EIF2AK4: variants seen among roughly 807,000 people sequenced by gnomAD.
The protein encoded by EIF2AK4 is eukaryotic translation initiation factor 2 alpha kinase 4.
In EIF2AK4, 139 loss-of-function variants were observed where a neutral mutation model predicts 211.1. The observed-to-expected ratio is 0.66, with a 90% CI of 0.57 to 0.76. The LOEUF is 0.76. Ranked by LOEUF, EIF2AK4 falls within the 30% of genes least tolerant of loss-of-function variation. The pLI is 0.00. For missense variants in EIF2AK4, 1,664 were observed against 2,043.8 expected (o/e 0.81, Z 3.58); for synonymous variants, 710 against 751.3 (o/e 0.94, Z 0.90).
At chr15:39,964,102 C>T (rs2034510275) in intron 7 of EIF2AK4, among the ~76,000 whole-genome samples, 1 of 152,170 alleles carries the variant, frequency 6.6e-6, no homozygotes, top group Non-Finnish European at 1.5e-5. Flanking sequence ...TTATGACTAA[C>T]AGATCATTTT....
intron 19 of EIF2AK4, among the ~76,000 whole-genome samples, chr15:39,997,483 A>G (rs1037698281): frequency 2.6e-5 from 4 of 152,128 alleles, no homozygotes; most frequent in Non-Finnish European, 5.9e-5. Flanking sequence ...TTATTCTGAG[A>G]TTTACTCTTG....
At chr15:39,946,514 C>A in intron 3 of EIF2AK4, 1 of 700,522 alleles carries the variant, frequency 1.4e-6, no homozygotes, top group South Asian at 1.5e-5. Flanking sequence ...TTGAGTGGTT[C>A]CTGAAGATGC....
intron 34 of EIF2AK4, 54 bp downstream of exon 34, chr15:40,029,518 G>C: frequency 6.4e-7 from 1 of 1,563,972 alleles, no homozygotes; most frequent in Non-Finnish European, 8.7e-7. Flanking sequence ...TTTGCTCTAA[G>C]CACTTATTAC....
At chr15:39,947,239 T>C (rs2034241546) in intron 3 of EIF2AK4, among the ~76,000 whole-genome samples, 1 of 152,214 alleles carries the variant, frequency 6.6e-6, no homozygotes, top group Non-Finnish European at 1.5e-5. Context: ...AATTTTTTTA[T>C]TTTCAAGTAA....
At chr15:39,963,399 T>A (rs557251875) in intron 7 of EIF2AK4, among the ~76,000 whole-genome samples, 1 of 152,346 alleles carries the variant, frequency 6.6e-6, no homozygotes, top group South Asian at 2.1e-4. Context: ...AGATTCACCA[T>A]AGTTAATACC....
At chr15:39,997,206 C>G in intron 19 of EIF2AK4, 141 bp downstream of exon 19, 2 of 668,742 alleles carry the variant, frequency 3.0e-6, no homozygotes, top group Non-Finnish European at 5.3e-6. Context: ...CTCATTTATT[C>G]AGATATGCAA....
chr15:40,010,917 C>T (rs1278209082), intron 26 of EIF2AK4, among the ~76,000 whole-genome samples: 3 of 152,304 alleles, frequency 2.0e-5, no homozygotes, highest in South Asian at 2.1e-4. Flanking sequence ...CATCTGCCAG[C>T]GTGGGATGAA....
intron 22 of EIF2AK4, 139 bp from the exon 23 acceptor site, chr15:40,003,054 T>G: frequency 7.7e-7 from 1 of 1,300,066 alleles, no homozygotes; most frequent in Non-Finnish European, 1.0e-6. Flanking sequence ...TTTATAAATT[T>G]AGAGAACTCA....
chr15:39,974,779 A>G (rs1389051682), intron 11 of EIF2AK4: 3 of 152,180 alleles, frequency 2.0e-5, no homozygotes, highest in Non-Finnish European at 2.9e-5. Context: ...TTAAGCCCCC[A>G]CGGTTTCCAG....
At chr15:40,032,733 A>T in intron 36 of EIF2AK4, 24 bp from the exon 37 acceptor site, 1 of 1,610,250 alleles carries the variant, frequency 6.2e-7, no homozygotes, top group Non-Finnish European at 8.5e-7. Context: ...CTGAGAGTTG[A>T]TGTACATTTG....
Position 40,022,555 on chromosome 15 carries a change from G to A in EIF2AK4, c.4339G>A (p.Glu1447Lys), listed in dbSNP as rs745396838. Residue 1447 changes from glutamate to lysine, a missense_variant, in exon 32 of 39, where the codon GAA (glutamate) becomes AAA (lysine). This residue lies in a region of EIF2AK4 where 622 missense variants were observed against 796.8 expected (regional missense o/e 0.78). Coordinates refer to ENST00000263791, the MANE Select transcript of EIF2AK4 (RefSeq NM_001013703.4). The part of the protein sequence containing the change: ...EELQEYCRHH[E>K]ITYVALVSDK... Reference sequence around the variant, plus strand: ...ATTACAAGAGTACTGCAGACATCATGAAATCACCTATGTGGCCCTTGTCTC... The same window carrying A: ...ATTACAAGAGTACTGCAGACATCATAAAATCACCTATGTGGCCCTTGTCTC... The A allele has an allele frequency of 6.2e-7, 1 of 1,614,092 alleles. No individual in the cohort carries two copies. The highest frequency in any genetic ancestry group is 2.2e-5 in the East Asian group (1 of 44,892).
Position 39,973,744 on chromosome 15 carries a change from A to G in EIF2AK4, c.1813A>G (p.Ile605Val), listed in dbSNP as rs2034655811. The change falls in exon 11 of 39, where the codon ATC becomes GTC. Residue 605 changes from isoleucine (I) to valine (V), a missense_variant. Coordinates refer to ENST00000263791, the MANE Select transcript of EIF2AK4 (RefSeq NM_001013703.4). ...TGGTAAAGGAGCTTTTGGAGCTGTCATCAAGGTGTGGTACAGAGTCATTCC... is the reference window on the plus strand; with the variant it reads ...TGGTAAAGGAGCTTTTGGAGCTGTCGTCAAGGTGTGGTACAGAGTCATTCC... The part of the protein sequence containing the change: ...LLGKGAFGAV[I>V]KVQNKLDGCC... 10 of 1,613,994 alleles carry G rather than the reference A, an allele frequency of 6.2e-6. No homozygotes were observed. In the East Asian group the frequency reaches 2.2e-4, roughly 36 times the overall value.
chr15:39,993,212 C>G (rs1246163445), intron 18 of EIF2AK4, among the ~76,000 whole-genome samples: 1 of 152,028 alleles, frequency 6.6e-6, no homozygotes. Flanking sequence ...GTCCATCCAT[C>G]CATCCATCCA....
At chr15:40,021,446 T>C (rs1247343366) in intron 31 of EIF2AK4, 1 of 154,348 alleles carries the variant, frequency 6.5e-6, no homozygotes, top group Non-Finnish European at 1.4e-5. Context: ...CTCTAACTCT[T>C]GTCTGTCCAG....
rs192337360 is a variant in EIF2AK4, at chr15:39,973,637, G to A, written c.1706G>A (p.Arg569Gln). The A allele has an allele frequency of 5.1e-5, 83 of 1,613,992 alleles. 3 individuals carry two copies. The African/African-American group carries it at 9.3e-4, about 18-fold the overall frequency. ...GTTGAGACTGTTATTCCTAGCAACC[G>A]GCTACCCAGTGCTGCCTTCTTTAGT... Reference protein sequence around the residue: ...DYVETVIPSNRLPSAAFFSET... With the variant: ...DYVETVIPSNQLPSAAFFSET... The change falls in exon 11 of 39, where the codon CGG (arginine) becomes CAG (glutamine). Residue 569 changes from arginine (R) to glutamine (Q), a missense_variant. This residue lies in a region of EIF2AK4 where 641 missense variants were observed against 729.6 expected (regional missense o/e 0.88). Coordinates refer to ENST00000263791, the MANE Select transcript of EIF2AK4 (RefSeq NM_001013703.4).
chr15:39,976,446 A>C lies in EIF2AK4; in HGVS notation c.1851A>C (p.Ala617=). The C allele has an allele frequency of 6.2e-7, 1 of 1,609,122 alleles. No homozygotes were observed. ...VQNKLDGCCY[A]VKRIPINPAS... ...ACAAGTTGGACGGCTGCTGCTACGC[A>C]GTGAAGCGCATCCCCATCAACCCGG... Residue 617 remains alanine (A), a synonymous_variant, in exon 12 of 39, where the codon GCA becomes GCC. Transcript: ENST00000263791.
At chr15:39,959,597 A>G (rs909261754) in intron 6 of EIF2AK4, among the ~76,000 whole-genome samples, 2 of 152,044 alleles carry the variant, frequency 1.3e-5, no homozygotes, top group African/African-American at 4.8e-5. Flanking sequence ...ACATTCTAAA[A>G]CTCCTTAAAA....
In EIF2AK4 at chr15:40,022,525, G is replaced by A; in HGVS notation, c.4309G>A (p.Glu1437Lys). The A allele has an allele frequency of 6.2e-7, 1 of 1,613,886 alleles. No homozygotes were observed. The highest frequency in any genetic ancestry group is 8.5e-7 in the Non-Finnish European group (1 of 1,179,874). ...EIMYDWSQSQ[E>K]ELQEYCRHHE... ...CTATGTTTGTTTGTTTCAGTCCCAAGAGGAATTACAAGAGTACTGCAGACA... is the reference window on the plus strand; with the variant it reads ...CTATGTTTGTTTGTTTCAGTCCCAAAAGGAATTACAAGAGTACTGCAGACA... Residue 1437 changes from glutamate to lysine, a missense_variant, in exon 32 of 39, where the codon GAG becomes AAG. By Grantham distance (56) the Glu-to-Lys change is moderately conservative. This residue lies in a region of EIF2AK4 where 622 missense variants were observed against 796.8 expected (regional missense o/e 0.78). Coordinates refer to ENST00000263791, the MANE Select transcript of EIF2AK4 (RefSeq NM_001013703.4).
chr15:39,955,292 T>G (rs576251668), intron 5 of EIF2AK4, among the ~76,000 whole-genome samples: 14 of 152,320 alleles, frequency 9.2e-5, no homozygotes, highest in Middle Eastern at 3.4e-3. Context: ...GGCATTAACA[T>G]TTTTTTAATT....
Sources: gnomAD v4.1 joint callset for allele counts (sites outside exome capture counted in the v4.1 genomes callset) on GRCh38, gnomAD v4.1.1 for gene constraint, gnomAD v4.1.1 regional missense constraint, MANE v1.5 for transcripts, NCBI Gene and HGNC (gene_info 2026-07-23, HGNC 2026-07-21) for gene names.